CALHM5: variants seen among roughly 807,000 people sequenced by gnomAD.
CALHM5 encodes the protein calcium homeostasis modulator protein 5.
In CALHM5, 17 loss-of-function variants were observed where a neutral mutation model predicts 20.9. That is an observed-to-expected ratio of 0.82 (90% CI 0.56 to 1.22). CALHM5 has a LOEUF of 1.22. Among genes scored for constraint, CALHM5 ranks in the 50% most tolerant of loss-of-function variants. The pLI, the probability that CALHM5 is intolerant of heterozygous loss-of-function variation, is 0.00. For synonymous variants in CALHM5, 148 were observed against 140.0 expected, an observed-to-expected ratio of 1.06 and a Z score of -0.40; for missense variants, 360 against 364.6, an observed-to-expected ratio of 0.99 and a Z score of 0.10.
intron 1 of CALHM5, 86 bp downstream of exon 1, chr6:116,512,322 C>T: frequency 2.2e-6 from 3 of 1,386,338 alleles, no homozygotes; most frequent in Non-Finnish European, 2.9e-6. Flanking sequence ...CTGTCTGTGT[C>T]CTGTCAGAAT....
At chr6:116,514,354 C>T (rs982556134) in intron 1 of CALHM5, among the ~76,000 whole-genome samples, 2 of 152,214 alleles carry the variant, frequency 1.3e-5, no homozygotes, top group Admixed American at 6.5e-5. Context: ...TAGCCAACCA[C>T]AATCCATTCA....
In CALHM5 at chr6:116,517,629, G is replaced by A. The variant is rs974079502; in HGVS notation, c.*1640G>A. 6.6e-6 allele frequency: 1 copy of A among 152,192 alleles called. No homozygotes were observed. Among genetic ancestry groups the A allele is most frequent in the African/African-American group, 2.4e-5 (1 of 41,428 alleles). The allele number at this position is 152,192 out of a possible 1,614,324, so 9.4% of individuals were successfully genotyped here. On this transcript the variant is annotated 3_prime_UTR_variant, in exon 2 of 2. Transcript: ENST00000368599. ...TATTGTCATTTACAAGAAGAAATAT[G>A]TATTTGGTCTTTCTTCCTATTCCTG...
chr6:116,515,518 A>C (rs957415684), intron 1 of CALHM5, 82 bp from the exon 2 acceptor site: 18 of 1,362,288 alleles, frequency 1.3e-5, no homozygotes, highest in Non-Finnish European at 1.8e-5. Context: ...GTAATAATTT[A>C]GCTATACACT....
Position 116,511,657 on chromosome 6 carries a change from A to G in CALHM5, c.-40A>G, listed in dbSNP as rs775733467. ...GGCCACTGCCACAGCTGCTCTGCCA[A>G]TAACAAAGGCACAGCATTTTCCCTC... On this transcript the variant is annotated 5_prime_UTR_variant, in exon 1 of 2. Coordinates refer to ENST00000368599, the MANE Select transcript of CALHM5 (RefSeq NM_153711.5). The G allele has an allele frequency of 2.5e-6, 4 of 1,583,106 alleles. No individual in the cohort carries two copies. The South Asian group carries it at 4.6e-5, about 18-fold the overall frequency.
chr6:116,512,199 A>T lies in CALHM5; in HGVS notation c.503A>T (p.Asn168Ile), dbSNP rs200759433. 6.2e-6 allele frequency: 10 copies of T among 1,606,834 alleles called. No individual in the cohort carries two copies. The Admixed American group carries it at 1.5e-4, about 24-fold the overall frequency. The change falls in exon 1 of 2, where the codon AAT becomes ATT. Residue 168 changes from asparagine (N) to isoleucine (I), a missense_variant. By Grantham distance (149) the Asn-to-Ile change is moderately radical. Transcript: ENST00000368599. ...AAAACTAGCATGCTACCTACCGTCA[A>T]TGAAGAACTGAAACTCTCCCTTCAG... Reference protein sequence around the residue: ...CGKTSMLPTVNEELKLSLQAQ... With the variant: ...CGKTSMLPTVIEELKLSLQAQ...
chr6:116,521,344 A>G lies in CALHM5; in HGVS notation c.*5355A>G, dbSNP rs1772337082. 1 of 152,118 alleles carries G rather than the reference A, an allele frequency of 6.6e-6. No homozygotes were observed. The highest frequency in any genetic ancestry group is 6.6e-5 in the Admixed American group (1 of 15,260). 9.4% of individuals were successfully genotyped at this position (152,118 alleles called of 1,614,324 possible). On this transcript the variant is annotated 3_prime_UTR_variant, in exon 2 of 2. Coordinates refer to ENST00000368599, the MANE Select transcript of CALHM5 (RefSeq NM_153711.5). ...TCAGGGAAATGTGTAGGGTGGCTCA[A>G]GTCCCAGTCTGAGGGCCTGAGAACC... is the stretch of plus-strand genomic sequence containing the variant.
At position 116,516,023 on chromosome 6, in the gene CALHM5, G is replaced by A. The variant is rs1772218777; in HGVS notation, c.*34G>A. Reference sequence around the variant, plus strand: ...CCATCAATGACTCATGGTGTTGAGTGGCATGCTCATTCTGTGATCCTCCTA... The same window carrying A: ...CCATCAATGACTCATGGTGTTGAGTAGCATGCTCATTCTGTGATCCTCCTA... On this transcript the variant is annotated 3_prime_UTR_variant, in exon 2 of 2. Transcript: ENST00000368599. The A allele has an allele frequency of 6.5e-7, 1 of 1,542,046 alleles. No individual in the cohort carries two copies. The highest frequency in any genetic ancestry group is 1.9e-4 in the Middle Eastern group (1 of 5,196).
Position 116,520,792 on chromosome 6 carries a change from G to A in CALHM5, c.*4803G>A, listed in dbSNP as rs930921465. The A allele has an allele frequency of 1.3e-5, 2 of 152,230 alleles. No homozygotes were observed. The highest frequency in any genetic ancestry group is 4.8e-5 in the African/African-American group (2 of 41,400). 9.4% of individuals were successfully genotyped at this position (152,230 alleles called of 1,614,324 possible). A position where few individuals can be genotyped will look rare whatever the true frequency, so the allele number is the denominator to read the frequency against. On this transcript the variant is annotated 3_prime_UTR_variant, in exon 2 of 2. Transcript: ENST00000368599. ...TGTTATCTGGATTTCAAACAGTAGA[G>A]TATGATAAAAATTTAAAAACTGGCT...
chr6:116,514,575 A>G (rs1772185124), intron 1 of CALHM5, among the ~76,000 whole-genome samples: 1 of 152,214 alleles, frequency 6.6e-6, no homozygotes, highest in Admixed American at 6.5e-5. Context: ...TCGTTTCACA[A>G]GTGAAGAAAC....
intron 1 of CALHM5, among the ~76,000 whole-genome samples, chr6:116,514,137 C>T (rs752982986): frequency 1.1e-4 from 17 of 151,938 alleles, no homozygotes; most frequent in Non-Finnish European, 2.1e-4. Flanking sequence ...ATCCACCAAG[C>T]TCTAGTTTGA....
rs1772124519 is a variant in CALHM5, at chr6:116,511,767, C to T, written c.71C>T (p.Ala24Val). The T allele has an allele frequency of 6.2e-7, 1 of 1,613,926 alleles. No individual in the cohort carries two copies. The highest frequency in any genetic ancestry group is 1.3e-5 in the African/African-American group (1 of 74,910). ...QKTVIGYSFM[A>V]LLTVGSERLF... is the part of the protein sequence containing the mutation. ...ACTGTTATTGGCTACAGCTTCATGG[C>T]TCTGCTGACCGTGGGAAGTGAGCGT... Residue 24 changes from alanine (A) to valine (V), a missense_variant, in exon 1 of 2, where the codon GCT becomes GTT. Transcript: ENST00000368599.
Position 116,515,619 on chromosome 6 carries a change from T to C in CALHM5, c.560T>C (p.Ile187Thr). 1 of 1,611,554 alleles carries C rather than the reference T, an allele frequency of 6.2e-7. No individual in the cohort carries two copies. The highest frequency in any genetic ancestry group is 8.5e-7 in the Non-Finnish European group (1 of 1,178,858). ...CTTAAGATTCTAGGATGGTGCCTGA[T>C]TTGTTCAGCGTCTTTCTTCTCTCTG... ...AQSQILGWCLICSASFFSLLT... is the reference protein window; with the variant it reads ...AQSQILGWCLTCSASFFSLLT... The change falls in exon 2 of 2, where the codon ATT becomes ACT. Residue 187 changes from isoleucine to threonine, a missense_variant. Transcript: ENST00000368599.
chr6:116,514,202 AG>A (rs1354446667), intron 1 of CALHM5, among the ~76,000 whole-genome samples: 1 of 152,140 alleles, frequency 6.6e-6, no homozygotes, highest in Non-Finnish European at 1.5e-5. Flanking sequence ...GTCATGTGAA[AG>A]GGGGAAGGGG....
chr6:116,513,773 G>A (rs1772170503), intron 1 of CALHM5, among the ~76,000 whole-genome samples: 1 of 152,176 alleles, frequency 6.6e-6, no homozygotes, highest in Non-Finnish European at 1.5e-5. Context: ...ATCCATGGGT[G>A]GGGCAGATAA....
At position 116,518,073 on chromosome 6, in the gene CALHM5, T is replaced by G. The variant is rs1401635107; in HGVS notation, c.*2084T>G. 2 of 152,176 alleles carry G rather than the reference T, an allele frequency of 1.3e-5. No individual in the cohort carries two copies. Among genetic ancestry groups the G allele is most frequent in the African/African-American group, 4.8e-5 (2 of 41,436 alleles). The allele number at this position is 152,176 out of a possible 1,614,324, so 9.4% of individuals were successfully genotyped here. The stretch of plus-strand genomic sequence containing the variant: ...ATATTATTTTATAATAGACTGATGA[T>G]AGTAAATAAAGCCCTTTCCTGAGTT... On this transcript the variant is annotated 3_prime_UTR_variant, in exon 2 of 2. Transcript: ENST00000368599.
At position 116,520,392 on chromosome 6, in the gene CALHM5, C is replaced by A. The variant is rs1772310481; in HGVS notation, c.*4403C>A. Reference sequence around the variant, plus strand: ...TTTTCTCTCTTATTTTAAATATCCCCTGTTGTACAAGCCAGAGGATATTAA... The same window carrying A: ...TTTTCTCTCTTATTTTAAATATCCCATGTTGTACAAGCCAGAGGATATTAA... On this transcript the variant is annotated 3_prime_UTR_variant, in exon 2 of 2. Coordinates refer to ENST00000368599, the MANE Select transcript of CALHM5 (RefSeq NM_153711.5). 1 of 152,122 alleles carries A rather than the reference C, an allele frequency of 6.6e-6. No individual in the cohort carries two copies. The highest frequency in any genetic ancestry group is 2.4e-5 in the African/African-American group (1 of 41,414). 9.4% of individuals were successfully genotyped at this position (152,122 alleles called of 1,614,324 possible). A position where few individuals can be genotyped will look rare whatever the true frequency, so the allele number is the denominator to read the frequency against.
Position 116,523,294 on chromosome 6 carries a change from T to C in CALHM5, c.*7305T>C. On this transcript the variant is annotated 3_prime_UTR_variant, in exon 2 of 2. Transcript: ENST00000368599. The stretch of plus-strand genomic sequence containing the variant: ...AAGGATATATTTTGTCCTTTAGGAA[T>C]ATTTTAAAGTTTACTTCACATAAGT... 1 of 152,214 alleles carries C rather than the reference T, an allele frequency of 6.6e-6. No individual in the cohort carries two copies. Among genetic ancestry groups the C allele is most frequent in the Admixed American group, 6.5e-5 (1 of 15,284 alleles). The allele number at this position is 152,214 out of a possible 1,614,324, so 9.4% of individuals were successfully genotyped here.
rs1772218161 is a variant in CALHM5, at chr6:116,516,001, T to A, written c.*12T>A. The A allele has an allele frequency of 6.4e-7, 1 of 1,572,782 alleles. No individual in the cohort carries two copies. The highest frequency in any genetic ancestry group is 1.4e-5 in the African/African-American group (1 of 73,944). ...CCCACAATATGTAGCTCATCCACCA[T>A]CAATGACTCATGGTGTTGAGTGGCA... is the stretch of plus-strand genomic sequence containing the variant. On this transcript the variant is annotated 3_prime_UTR_variant, in exon 2 of 2. Transcript: ENST00000368599.
At chr6:116,512,260 T>C (rs769252150) in intron 1 of CALHM5, 24 bp downstream of exon 1, 7 of 1,572,602 alleles carry the variant, frequency 4.5e-6, no homozygotes, top group Non-Finnish European at 5.2e-6. Context: ...AACTCGCCTT[T>C]TTCTCTCAGC....
Sources: gnomAD v4.1 joint callset for allele counts (sites outside exome capture counted in the v4.1 genomes callset) on GRCh38, gnomAD v4.1.1 for gene constraint, MANE v1.5 for transcripts, NCBI Gene and HGNC (gene_info 2026-07-23, HGNC 2026-07-21) for gene names.